SKAP1: variants seen among roughly 807,000 people sequenced by gnomAD.
The protein encoded by SKAP1 is src kinase-associated phosphoprotein 1.
A neutral mutation model predicts 58.5 loss-of-function variants in SKAP1; 44 were observed. That is an observed-to-expected ratio of 0.75 (90% CI 0.59 to 0.97). SKAP1 has a LOEUF of 0.97. Ranked by LOEUF, SKAP1 falls within the 50% of genes least tolerant of loss-of-function variation. The pLI, the probability that SKAP1 is intolerant of heterozygous loss-of-function variation, is 0.00. For synonymous variants in SKAP1, 127 were observed against 149.7 expected (o/e 0.85, Z 1.11); for missense variants, 390 against 435.2 (o/e 0.90, Z 0.92).
At chr17:48,427,914 T>C (rs1324675239) in intron 1 of SKAP1, among the ~76,000 whole-genome samples, 6 of 152,014 alleles carry the variant, frequency 3.9e-5, no homozygotes, top group Admixed American at 3.9e-4. Context: ...CCTTAAAAAG[T>C]GTGTGGTGGG....
intron 4 of SKAP1, among the ~76,000 whole-genome samples, chr17:48,210,820 G>T (rs531244873): frequency 1.7e-4 from 26 of 152,260 alleles, no homozygotes; most frequent in Admixed American, 5.2e-4. Context: ...CATCACTGTG[G>T]TATCTTTCCC....
intron 4 of SKAP1, among the ~76,000 whole-genome samples, chr17:48,320,692 T>C (rs1482066682): frequency 6.6e-6 from 1 of 152,060 alleles, no homozygotes; most frequent in East Asian, 1.9e-4. Flanking sequence ...GGCAGAAGGA[T>C]TGCTTGAGCC....
At chr17:48,358,962 T>G (rs1347048946) in intron 3 of SKAP1, among the ~76,000 whole-genome samples, 3 of 152,200 alleles carry the variant, frequency 2.0e-5, no homozygotes, top group African/African-American at 7.2e-5. Flanking sequence ...TTAGGCTCTT[T>G]CTATCATAAA....
At chr17:48,200,612 T>A (rs12952089) in intron 4 of SKAP1, among the ~76,000 whole-genome samples, 127,376 of 152,114 alleles carry the variant, frequency 0.84, 53,399 homozygotes, top group East Asian at 0.95. Flanking sequence ...TCCTGACCTC[T>A]GGTGATCCAG....
chr17:48,376,967 T>C (rs1270975035), intron 2 of SKAP1, among the ~76,000 whole-genome samples: 1 of 151,720 alleles, frequency 6.6e-6, no homozygotes, highest in Non-Finnish European at 1.5e-5. Flanking sequence ...AGGCCCAAGA[T>C]GCAGAGGGAG....
At chr17:48,292,369 C>CT (rs951917381) in intron 4 of SKAP1, among the ~76,000 whole-genome samples, 4 of 151,944 alleles carry the variant, frequency 2.6e-5, no homozygotes, top group African/African-American at 9.7e-5. Context: ...AAACACATCG[C>CT]TTTTTTTCTG....
At chr17:48,265,525 C>CAAGT (rs1377702728) in intron 4 of SKAP1, among the ~76,000 whole-genome samples, 2 of 151,700 alleles carry the variant, frequency 1.3e-5, no homozygotes, top group Non-Finnish European at 2.9e-5. Flanking sequence ...AGCAAGCAAG[C>CAAGT]AAGCAAGCTA....
chr17:48,229,703 AC>A (rs2065107265), intron 4 of SKAP1, among the ~76,000 whole-genome samples: 1 of 152,148 alleles, frequency 6.6e-6, no homozygotes, highest in Non-Finnish European at 1.5e-5. Context: ...TCAACTCATA[AC>A]TTTTTTCTCC....
rs111412293 is a variant in SKAP1 at position 48,159,447 on chromosome 17, T to C, written c.978+3022A>G. ...AGATTCCTAAACAGCAGGCCCTTCTTGTCCAACAGAGCTTCTACTGGACAA... is the reference window on the plus strand; with the variant it reads ...AGATTCCTAAACAGCAGGCCCTTCTCGTCCAACAGAGCTTCTACTGGACAA... On this transcript the variant is annotated intron_variant, in intron 11 of 12. Transcript: ENST00000336915. 3.3e-3 allele frequency among the ~76,000 whole-genome samples: 501 copies of C among 152,316 alleles called. 7 individuals carry two copies. The highest frequency in any genetic ancestry group is 0.012 in the African/African-American group (489 of 41,562).
At chr17:48,199,762 A>G (rs369223921) in intron 4 of SKAP1, among the ~76,000 whole-genome samples, 3 of 152,282 alleles carry the variant, frequency 2.0e-5, no homozygotes, top group African/African-American at 7.2e-5. Flanking sequence ...AAAGAACGGT[A>G]GTTGTGGACC....
At chr17:48,164,265 G>GA (rs1433193676) in intron 10 of SKAP1, among the ~76,000 whole-genome samples, 1 of 152,154 alleles carries the variant, frequency 6.6e-6, no homozygotes, top group African/African-American at 2.4e-5. Context: ...CTAAACTCAG[G>GA]AATGAAAGAA....
intron 4 of SKAP1, among the ~76,000 whole-genome samples, chr17:48,215,358 A>G (rs1231106362): frequency 2.0e-5 from 3 of 152,220 alleles, no homozygotes; most frequent in East Asian, 3.9e-4. Flanking sequence ...GGAAACCTCT[A>G]TGTTGGCCAT....
At chr17:48,138,265 C>G (rs1173892905) in intron 11 of SKAP1, among the ~76,000 whole-genome samples, 1 of 151,054 alleles carries the variant, frequency 6.6e-6, no homozygotes. Flanking sequence ...AGTGCAGTGG[C>G]AAGATCTCAG....
At chr17:48,254,733 A>T (rs903131834) in intron 4 of SKAP1, among the ~76,000 whole-genome samples, 1 of 151,320 alleles carries the variant, frequency 6.6e-6, no homozygotes, top group Non-Finnish European at 1.5e-5. Context: ...TTTAACTTAA[A>T]CATACTATTA....
intron 4 of SKAP1, among the ~76,000 whole-genome samples, chr17:48,250,935 C>A (rs1462661307): frequency 6.6e-6 from 1 of 152,102 alleles, no homozygotes; most frequent in Admixed American, 6.5e-5. Context: ...AATAAAATAA[C>A]TATGCATTAA....
intron 10 of SKAP1, among the ~76,000 whole-genome samples, chr17:48,166,499 G>A (rs2064142122): frequency 6.6e-6 from 1 of 152,182 alleles, no homozygotes; most frequent in Admixed American, 6.5e-5. Context: ...TCCTTCCTTA[G>A]GGACAATAAA....
chr17:48,406,809 G>A (rs1470242741), intron 1 of SKAP1, among the ~76,000 whole-genome samples: 7 of 151,874 alleles, frequency 4.6e-5, no homozygotes, highest in Non-Finnish European at 7.4e-5. Flanking sequence ...CAAGTGATCC[G>A]CCCGCCTCGG....
At chr17:48,226,347 G>GT (rs371608998) in intron 4 of SKAP1, among the ~76,000 whole-genome samples, 46 of 148,768 alleles carry the variant, frequency 3.1e-4, no homozygotes, top group East Asian at 7.8e-4. Context: ...CCCAAGATAC[G>GT]TTTTTTTTTT....
chr17:48,222,789 G>T (rs2065019546), intron 4 of SKAP1, among the ~76,000 whole-genome samples: 1 of 151,392 alleles, frequency 6.6e-6, no homozygotes, highest in Non-Finnish European at 1.5e-5. Flanking sequence ...CTTAAGGCCG[G>T]GTGTGGTGGC....
Sources: allele counts gnomAD v4.1 joint callset (sites outside exome capture counted in the v4.1 genomes callset), GRCh38; gene constraint gnomAD v4.1.1; transcripts MANE v1.5; gene names NCBI Gene and HGNC (gene_info 2026-07-23, HGNC 2026-07-21).